Variants in SEZ6L observed in about 807,000 individuals in gnomAD.
SEZ6L encodes the protein seizure 6-like protein.
A neutral mutation model predicts 106.2 loss-of-function variants in SEZ6L; 37 were observed. The observed-to-expected ratio is 0.35, with a 90% CI of 0.27 to 0.46. The LOEUF is 0.46. Among genes scored for constraint, SEZ6L ranks in the 20% least tolerant of loss-of-function variants. The pLI is 1.00. For synonymous variants in SEZ6L, 541 were observed against 570.4 expected (o/e 0.95, Z 0.73); for missense variants, 1,172 against 1,332.8 (o/e 0.88, Z 1.88).
At chr22:26,276,334 C>T (rs2080543982) in intron 1 of SEZ6L, among the ~76,000 whole-genome samples, 1 of 152,230 alleles carries the variant, frequency 6.6e-6, no homozygotes, top group Non-Finnish European at 1.5e-5. Context: ...CACATGGCAA[C>T]TTGGGGGCAA....
chr22:26,209,316 A>G (rs1206734551), intron 1 of SEZ6L, among the ~76,000 whole-genome samples: 1 of 152,092 alleles, frequency 6.6e-6, no homozygotes, highest in Non-Finnish European at 1.5e-5. Flanking sequence ...CAGGGTTGTA[A>G]CCCATATGCT....
At chr22:26,267,225 A>T (rs1213058569) in intron 1 of SEZ6L, among the ~76,000 whole-genome samples, 2 of 152,210 alleles carry the variant, frequency 1.3e-5, no homozygotes, top group Non-Finnish European at 2.9e-5. Flanking sequence ...CTAAGCTCAC[A>T]CTTCTAGGAA....
chr22:26,316,911 AAG>A (rs2082018617), intron 9 of SEZ6L, among the ~76,000 whole-genome samples: 1 of 151,754 alleles, frequency 6.6e-6, no homozygotes, highest in African/African-American at 2.4e-5. Context: ...AGAAGAAAGA[AAG>A]AAAGAAAGAA....
chr22:26,302,862 G>T (rs777594623), intron 5 of SEZ6L, among the ~76,000 whole-genome samples: 2 of 152,216 alleles, frequency 1.3e-5, no homozygotes, highest in Admixed American at 6.5e-5. Flanking sequence ...AGCCGCAAAC[G>T]ATCAGCAGCT....
At chr22:26,291,119 C>G (rs1029807687) in intron 1 of SEZ6L, among the ~76,000 whole-genome samples, 9 of 152,212 alleles carry the variant, frequency 5.9e-5, no homozygotes, top group African/African-American at 2.2e-4. Flanking sequence ...ATAAATCATT[C>G]TGTTACAAAG....
At chr22:26,228,000 A>G (rs1481581377) in intron 1 of SEZ6L, among the ~76,000 whole-genome samples, 1 of 152,212 alleles carries the variant, frequency 6.6e-6, no homozygotes, top group Non-Finnish European at 1.5e-5. Context: ...CATTGATAAA[A>G]TTGTCCCTGG....
chr22:26,346,803 G>A (rs2083022056), intron 10 of SEZ6L, among the ~76,000 whole-genome samples: 2 of 152,200 alleles, frequency 1.3e-5, no homozygotes, highest in South Asian at 2.1e-4. Flanking sequence ...TCAATAGAGA[G>A]CAAGAAGAGA....
chr22:26,257,449 A>G (rs967151636), intron 1 of SEZ6L, among the ~76,000 whole-genome samples: 3 of 152,178 alleles, frequency 2.0e-5, no homozygotes, highest in Non-Finnish European at 4.4e-5. Flanking sequence ...CCTGTCTATT[A>G]ATTTCCTCCA....
chr22:26,365,223 T>C (rs1441641052), intron 12 of SEZ6L, 149 bp from the exon 13 acceptor site: 2 of 640,524 alleles, frequency 3.1e-6, no homozygotes, highest in African/African-American at 1.8e-5. Flanking sequence ...AAAGAACAGT[T>C]TGAGAAATAG....
chr22:26,316,751 G>A (rs557570111), intron 9 of SEZ6L, among the ~76,000 whole-genome samples: 85 of 152,014 alleles, frequency 5.6e-4, no homozygotes, highest in African/African-American at 2.0e-3. Context: ...AGAATCACCT[G>A]AACCCGGGAG....
chr22:26,271,773 G>A (rs936215411), intron 1 of SEZ6L, among the ~76,000 whole-genome samples: 1 of 152,200 alleles, frequency 6.6e-6, no homozygotes, highest in Non-Finnish European at 1.5e-5. Flanking sequence ...GTGGAACCGT[G>A]AGCCAATTAA....
At chr22:26,378,197 C>T (rs2084295265) in intron 16 of SEZ6L, among the ~76,000 whole-genome samples, 1 of 152,204 alleles carries the variant, frequency 6.6e-6, no homozygotes, top group Non-Finnish European at 1.5e-5. Flanking sequence ...CCCCAATAGA[C>T]ACAGATTCCA....
intron 1 of SEZ6L, among the ~76,000 whole-genome samples, chr22:26,185,178 G>A (rs757756016): frequency 3.3e-5 from 5 of 152,178 alleles, no homozygotes; most frequent in Non-Finnish European, 5.9e-5. Context: ...TATGTGAAGG[G>A]GTTAAAAAGA....
chr22:26,380,835 C>G lies in SEZ6L; in HGVS notation c.*540C>G, dbSNP rs1328020495. ...TTTTGCCAGCTTCTGAAAGGTTTTT[C>G]CACAGCCCCTCCCTCTCACGGTTCT... is the stretch of plus-strand genomic sequence containing the variant. On this transcript the variant is annotated 3_prime_UTR_variant, in exon 17 of 17. Coordinates refer to ENST00000248933, the MANE Select transcript of SEZ6L (RefSeq NM_021115.5). 2 of 152,804 alleles carry G rather than the reference C, an allele frequency of 1.3e-5. No homozygotes were observed. Among genetic ancestry groups the G allele is most frequent in the African/African-American group, 4.8e-5 (2 of 41,448 alleles). 9.5% of individuals were successfully genotyped at this position (152,804 alleles called of 1,614,324 possible).
rs562073919 is a variant in SEZ6L at position 26,281,629 on chromosome 22, C to T, written c.95-10777C>T. Among the ~76,000 whole-genome samples, 5 of 152,274 alleles carry T rather than the reference C, an allele frequency of 3.3e-5. No individual in the cohort carries two copies. In the East Asian group the frequency reaches 7.7e-4, roughly 24 times the overall value. On this transcript the variant is annotated intron_variant, in intron 1 of 16. Transcript: ENST00000248933. Reference sequence around the variant, plus strand: ...TCCTGACCTCGTGGTCCGCCCACCTCGGCCTTCCAAAGTGCTGGGATTACA... The same window carrying T: ...TCCTGACCTCGTGGTCCGCCCACCTTGGCCTTCCAAAGTGCTGGGATTACA...
chr22:26,326,409 A>C (rs1245916869), intron 9 of SEZ6L, among the ~76,000 whole-genome samples: 3 of 152,168 alleles, frequency 2.0e-5, no homozygotes, highest in Non-Finnish European at 4.4e-5. Flanking sequence ...CAATTATCAG[A>C]GGTCTGGAGA....
At chr22:26,357,878 C>T (rs917382052) in intron 12 of SEZ6L, among the ~76,000 whole-genome samples, 1 of 152,196 alleles carries the variant, frequency 6.6e-6, no homozygotes, top group Non-Finnish European at 1.5e-5. Flanking sequence ...ACCACCAAAA[C>T]TAAAAAGAAT....
chr22:26,173,472 A>C (rs1938762900), intron 1 of SEZ6L, among the ~76,000 whole-genome samples: 1 of 152,146 alleles, frequency 6.6e-6, no homozygotes, highest in African/African-American at 2.4e-5. Flanking sequence ...TTTGAACCTA[A>C]ATATTACCAT....
chr22:26,337,288 T>C (rs2082676216), intron 9 of SEZ6L, among the ~76,000 whole-genome samples: 1 of 152,156 alleles, frequency 6.6e-6, no homozygotes, highest in Admixed American at 6.5e-5. Flanking sequence ...TGCCGTATGG[T>C]TTTAAAATGA....
Sources: allele counts gnomAD v4.1 joint callset (sites outside exome capture counted in the v4.1 genomes callset), GRCh38; gene constraint gnomAD v4.1.1; transcripts MANE v1.5; gene names NCBI Gene and HGNC (gene_info 2026-07-23, HGNC 2026-07-21).